FHIT: variants seen among roughly 807,000 people sequenced by gnomAD.
FHIT encodes the protein fragile histidine triad diadenosine triphosphatase.
Under a neutral mutation model 17.9 loss-of-function variants are expected in FHIT, and 19 were observed. That is an observed-to-expected ratio of 1.06 (90% CI 0.74 to 1.56). The LOEUF (loss-of-function observed/expected upper bound fraction) is 1.56. Ranked by LOEUF, FHIT falls within the 40% of genes most tolerant of loss-of-function variation. The probability of loss-of-function intolerance (pLI) is 0.00; values close to 1 mark genes in which losing one functional copy is unlikely to be tolerated. For synonymous variants in FHIT, 81 were observed against 69.7 expected (o/e 1.16, Z -0.81); for missense variants, 248 against 189.2 (o/e 1.31, Z -1.82).
intron 4 of FHIT, among the ~76,000 whole-genome samples, chr3:60,776,078 C>G (rs1438953423): frequency 6.6e-6 from 1 of 152,152 alleles, no homozygotes; most frequent in Non-Finnish European, 1.5e-5. Flanking sequence ...CCACCCACCC[C>G]CAACAACTGT....
At chr3:61,213,630 T>A (rs1227691908) in intron 1 of FHIT, among the ~76,000 whole-genome samples, 2 of 152,214 alleles carry the variant, frequency 1.3e-5, no homozygotes, top group Non-Finnish European at 2.9e-5. Flanking sequence ...ATCCAGGTAT[T>A]GAACTCAGCT....
intron 5 of FHIT, among the ~76,000 whole-genome samples, chr3:60,418,372 GTGTGTA>G (rs1345395820): frequency 0.03 from 158 of 5,330 alleles, 8 homozygotes; most frequent in South Asian, 0.12. Context: ...GTATCTGAAT[GTGTGTA>G]TATATATATA....
intron 2 of FHIT, among the ~76,000 whole-genome samples, chr3:61,097,624 A>G (rs962503789): frequency 2.7e-5 from 4 of 148,828 alleles, no homozygotes; most frequent in African/African-American, 1.0e-4. Context: ...CTACTTTTTG[A>G]CTTTTTAATA....
At chr3:60,342,580 A>G (rs1377879930) in intron 5 of FHIT, among the ~76,000 whole-genome samples, 4 of 152,230 alleles carry the variant, frequency 2.6e-5, no homozygotes, top group African/African-American at 4.8e-5. Flanking sequence ...AAGATGATTT[A>G]CATAATTCTG....
chr3:59,906,876 C>T (rs1704607830), intron 8 of FHIT, among the ~76,000 whole-genome samples: 1 of 152,176 alleles, frequency 6.6e-6, no homozygotes, highest in African/African-American at 2.4e-5. Flanking sequence ...TTCATTTTAT[C>T]TCCTATTCTC....
intron 3 of FHIT, among the ~76,000 whole-genome samples, chr3:60,971,599 G>GT (rs1553785413): frequency 6.6e-6 from 1 of 151,650 alleles, no homozygotes; most frequent in East Asian, 1.9e-4. Flanking sequence ...ACGCTCTGAT[G>GT]TTTTTTCCCC....
chr3:60,033,244 T>C (rs1265580893), intron 5 of FHIT, among the ~76,000 whole-genome samples: 1 of 152,102 alleles, frequency 6.6e-6, no homozygotes, highest in African/African-American at 2.4e-5. Flanking sequence ...ATGCCTGTAA[T>C]GAGCACTTTG....
chr3:60,155,660 G>A (rs1393754234), intron 5 of FHIT, among the ~76,000 whole-genome samples: 4 of 152,194 alleles, frequency 2.6e-5, no homozygotes. Flanking sequence ...ATCCAGGAAT[G>A]GGCTCCTGAA....
chr3:60,338,580 C>T (rs965232914), intron 5 of FHIT, among the ~76,000 whole-genome samples: 2 of 152,124 alleles, frequency 1.3e-5, no homozygotes, highest in African/African-American at 4.8e-5. Flanking sequence ...TTATCACATG[C>T]TGCCTTCCAA....
intron 4 of FHIT, among the ~76,000 whole-genome samples, chr3:60,609,179 C>A (rs1376382826): frequency 3.9e-5 from 6 of 152,240 alleles, no homozygotes; most frequent in Middle Eastern, 6.8e-3. Context: ...TAGCATTCCA[C>A]CTGACAGCTG....
intron 5 of FHIT, among the ~76,000 whole-genome samples, chr3:60,481,349 G>C (rs553669728): frequency 6.6e-6 from 1 of 152,088 alleles, no homozygotes; most frequent in Non-Finnish European, 1.5e-5. Flanking sequence ...TCCAGAAGAA[G>C]AGCAACCCCA....
chr3:60,777,888 G>A (rs1700260839), intron 4 of FHIT, among the ~76,000 whole-genome samples: 1 of 152,066 alleles, frequency 6.6e-6, no homozygotes. Context: ...TCAGTAATCT[G>A]GAATTCCGTT....
chr3:60,284,025 GGTCA>G (rs1298219047), intron 5 of FHIT, among the ~76,000 whole-genome samples: 4 of 151,772 alleles, frequency 2.6e-5, no homozygotes, highest in Non-Finnish European at 5.9e-5. Flanking sequence ...CTCTGCCCAG[GGTCA>G]GTATGAATTA....
chr3:60,001,843 T>A (rs1018042360), intron 7 of FHIT, among the ~76,000 whole-genome samples: 10 of 152,288 alleles, frequency 6.6e-5, no homozygotes, highest in African/African-American at 2.4e-4. Flanking sequence ...TGCTAGAACC[T>A]GATTACGTCT....
At chr3:60,047,980 A>T (rs1395873185) in intron 5 of FHIT, among the ~76,000 whole-genome samples, 7 of 152,172 alleles carry the variant, frequency 4.6e-5, no homozygotes, top group Admixed American at 4.6e-4. Context: ...AGTTCTAGAA[A>T]CTGAAAGTCC....
chr3:59,794,411 G>A (rs931664033), intron 8 of FHIT, among the ~76,000 whole-genome samples: 1 of 152,198 alleles, frequency 6.6e-6, no homozygotes. Flanking sequence ...AACTTACAGA[G>A]GAGATACCAG....
At chr3:61,017,240 G>A (rs1316755582) in intron 3 of FHIT, among the ~76,000 whole-genome samples, 1 of 152,208 alleles carries the variant, frequency 6.6e-6, no homozygotes, top group Non-Finnish European at 1.5e-5. Context: ...AGCAAGCTGA[G>A]ATTGCGCCAC....
intron 5 of FHIT, among the ~76,000 whole-genome samples, chr3:60,509,367 C>T (rs2034857082): frequency 6.6e-6 from 1 of 152,182 alleles, no homozygotes; most frequent in African/African-American, 2.4e-5. Context: ...GCTTTCCAAT[C>T]TTGTGTACTA....
intron 8 of FHIT, among the ~76,000 whole-genome samples, chr3:59,792,834 C>G (rs1333820560): frequency 6.7e-6 from 1 of 148,420 alleles, no homozygotes. Flanking sequence ...ACCATCATAT[C>G]AAATTCCTGT....
Sources: allele counts gnomAD v4.1 joint callset (sites outside exome capture counted in the v4.1 genomes callset), GRCh38; gene constraint gnomAD v4.1.1; transcripts MANE v1.5; gene names NCBI Gene and HGNC (gene_info 2026-07-23, HGNC 2026-07-21).